IFI27L1: variants seen among roughly 807,000 people sequenced by gnomAD.
IFI27L1 encodes interferon alpha inducible protein 27 like 1.
IFI27L1 carries 3 observed loss-of-function variants against 9.2 expected under a neutral mutation model. The ratio of observed to expected loss-of-function variants is 0.32; its 90% CI spans 0.15 to 0.84. The LOEUF (loss-of-function observed/expected upper bound fraction) is 0.84. Among genes scored for constraint, IFI27L1 ranks in the 40% least tolerant of loss-of-function variants. The probability of loss-of-function intolerance (pLI) is 0.56; values close to 1 mark genes in which losing one functional copy is unlikely to be tolerated. For missense variants in IFI27L1, 133 were observed against 134.2 expected (o/e 0.99, Z 0.05); for synonymous variants, 53 against 50.0 (o/e 1.06, Z -0.26).
At chr14:94,097,788 A>G (rs1886728648) in intron 2 of IFI27L1, 1 of 671,872 alleles carries the variant, frequency 1.5e-6, no homozygotes, top group African/African-American at 1.8e-5. Flanking sequence ...GCTGCCCTTT[A>G]CAGAGGCTGG....
At chr14:94,101,140 A>C (rs1415189039) in intron 3 of IFI27L1, 9 of 425,772 alleles carry the variant, frequency 2.1e-5, no homozygotes, top group Non-Finnish European at 3.8e-5. Flanking sequence ...ATTCCTCAAA[A>C]GTATTTGACA....
At position 94,100,776 on chromosome 14, in the gene IFI27L1, GTC is replaced by G. The variant is rs1886865314; in HGVS notation, c.61+9_61+10del. ...TAGCAGCTGTGGTCGGAGGAGGTGA[GTC>G]TCTATGGGAAGGAACTCAAGCCCCC... On this transcript the variant is annotated splice_donor_region_variant and intron_variant, in intron 3 of 4. Coordinates refer to ENST00000555523, the MANE Select transcript of IFI27L1 (RefSeq NM_206949.3). 1 of 1,613,476 alleles carries G rather than the reference GTC, an allele frequency of 6.2e-7. No individual in the cohort carries two copies. The highest frequency in any genetic ancestry group is 8.5e-7 in the Non-Finnish European group (1 of 1,179,908).
At chr14:94,096,160 A>G (rs1357917513) in intron 1 of IFI27L1, among the ~76,000 whole-genome samples, 2 of 152,206 alleles carry the variant, frequency 1.3e-5, no homozygotes, top group Admixed American at 6.5e-5. Context: ...ATTGGCAACA[A>G]TAAGTTTAGG....
chr14:94,091,984 C>T (rs1039803100), intron 1 of IFI27L1, among the ~76,000 whole-genome samples: 3 of 151,280 alleles, frequency 2.0e-5, no homozygotes, highest in Middle Eastern at 3.2e-3. Flanking sequence ...AAATTAGCCA[C>T]GCATGGTGGC....
At position 94,086,427 on chromosome 14, in the gene IFI27L1, T is replaced by C. The variant is rs79820779; in HGVS notation, c.-52+4978T>C. ...TTGCCTAATATAATGAGGTCTTCCTTTACCAGTGTTTTGTAAGTTGCCTCT... is the reference window on the plus strand; with the variant it reads ...TTGCCTAATATAATGAGGTCTTCCTCTACCAGTGTTTTGTAAGTTGCCTCT... On this transcript the variant is annotated intron_variant, in intron 1 of 4. Coordinates refer to ENST00000555523, the MANE Select transcript of IFI27L1 (RefSeq NM_206949.3). Among the ~76,000 whole-genome samples the C allele has an allele frequency of 1.6e-3, 249 of 152,344 alleles. 1 individual carries two copies. Among genetic ancestry groups the C allele is most frequent in the African/African-American group, 5.8e-3 (243 of 41,558 alleles).
intron 1 of IFI27L1, among the ~76,000 whole-genome samples, chr14:94,093,167 C>CTTTTTTTTT (rs66928480): frequency 3.2e-5 from 4 of 125,472 alleles, no homozygotes; most frequent in African/African-American, 1.2e-4. Context: ...CATTTCTTTT[C>CTTTTTTTTT]TTTTTTTTTT....
intron 1 of IFI27L1, among the ~76,000 whole-genome samples, chr14:94,089,817 G>A (rs926718094): frequency 6.6e-6 from 1 of 152,158 alleles, no homozygotes; most frequent in Non-Finnish European, 1.5e-5. Flanking sequence ...TCTTCAGACT[G>A]AATAGGGGCG....
chr14:94,102,499 A>G lies in IFI27L1; in HGVS notation c.246A>G (p.Thr82=). The G allele has an allele frequency of 6.3e-7, 1 of 1,594,574 alleles. No homozygotes were observed. Among genetic ancestry groups the G allele is most frequent in the Middle Eastern group, 1.7e-4 (1 of 5,980 alleles). Residue 82 remains threonine, a synonymous_variant, in exon 5 of 5, where the codon ACA becomes ACG. Transcript: ENST00000555523. ...QSVGAAGLSV[T]SKVIGGFAGT... Reference sequence around the variant, plus strand: ...CAGGGGCAGCTGGACTCTCTGTGACATCTAAAGTTATCGGGGGCTTTGCTG... The same window carrying G: ...CAGGGGCAGCTGGACTCTCTGTGACGTCTAAAGTTATCGGGGGCTTTGCTG...
At chr14:94,091,334 T>A (rs965602210) in intron 1 of IFI27L1, among the ~76,000 whole-genome samples, 1 of 152,202 alleles carries the variant, frequency 6.6e-6, no homozygotes, top group African/African-American at 2.4e-5. Context: ...CAATTTTACA[T>A]AACAATTATA....
chr14:94,101,188 AC>A, intron 3 of IFI27L1: 1 of 343,104 alleles, frequency 2.9e-6, no homozygotes, highest in Non-Finnish European at 5.4e-6. Flanking sequence ...GAAGCTTTTG[AC>A]CTGCTATAAA....
chr14:94,093,662 A>G (rs1886566086), intron 1 of IFI27L1, among the ~76,000 whole-genome samples: 2 of 152,212 alleles, frequency 1.3e-5, no homozygotes. Flanking sequence ...GCCCTGGTTG[A>G]AATCCTTAGA....
rs146853109 is a variant in IFI27L1 at position 94,102,557 on chromosome 14, C to G, written c.304C>G (p.Pro102Ala). Reference sequence around the variant, plus strand: ...TCTTGGGGCCTGGCTGGGTTCACCCCCTTCCAGCTGAACACCACACTGAGG... The same window carrying G: ...TCTTGGGGCCTGGCTGGGTTCACCCGCTTCCAGCTGAACACCACACTGAGG... ...TALGAWLGSPPSS is the reference protein window; with the variant it reads ...TALGAWLGSPASS The change falls in exon 5 of 5, where the codon CCT (proline) becomes GCT (alanine). Residue 102 changes from proline (P) to alanine (A), a missense_variant. Coordinates refer to ENST00000555523, the MANE Select transcript of IFI27L1 (RefSeq NM_206949.3). 2 of 1,562,286 alleles carry G rather than the reference C, an allele frequency of 1.3e-6. No individual in the cohort carries two copies. The highest frequency in any genetic ancestry group is 1.7e-6 in the Non-Finnish European group (2 of 1,153,968).
intron 2 of IFI27L1, chr14:94,100,483 C>G (rs1886852115): frequency 1.0e-6 from 1 of 985,262 alleles, no homozygotes; most frequent in Non-Finnish European, 1.2e-6. Flanking sequence ...CTGCAGGGGG[C>G]CCAGCCACAA....
At chr14:94,093,657 G>C (rs1037662106) in intron 1 of IFI27L1, among the ~76,000 whole-genome samples, 1 of 152,186 alleles carries the variant, frequency 6.6e-6, no homozygotes, top group Non-Finnish European at 1.5e-5. Flanking sequence ...CAGGGGCCCT[G>C]GTTGAAATCC....
At chr14:94,100,562 G>A (rs1886854904) in intron 2 of IFI27L1, 177 bp from the exon 3 acceptor site, 16 of 985,422 alleles carry the variant, frequency 1.6e-5, no homozygotes, top group South Asian at 1.4e-4. Flanking sequence ...AAGGTGCCAC[G>A]TGCAGAGCCC....
chr14:94,091,721 T>C (rs1249053180), intron 1 of IFI27L1, among the ~76,000 whole-genome samples: 1 of 152,160 alleles, frequency 6.6e-6, no homozygotes, highest in Non-Finnish European at 1.5e-5. Context: ...AAAAAACCTT[T>C]ACTCATTAAT....
intron 2 of IFI27L1, among the ~76,000 whole-genome samples, chr14:94,097,880 C>G (rs1217224588): frequency 6.6e-6 from 1 of 152,052 alleles, no homozygotes; most frequent in Non-Finnish European, 1.5e-5. Context: ...TCTCAGATAC[C>G]CAAGGGACAT....
chr14:94,100,301 C>T (rs746653285), intron 2 of IFI27L1: 5 of 985,434 alleles, frequency 5.1e-6, no homozygotes, highest in Non-Finnish European at 6.0e-6. Flanking sequence ...CAAGGCGCCT[C>T]TTCCTGGGGA....
At chr14:94,098,548 T>C (rs1230964895) in intron 2 of IFI27L1, among the ~76,000 whole-genome samples, 2 of 152,162 alleles carry the variant, frequency 1.3e-5, no homozygotes, top group Non-Finnish European at 2.9e-5. Flanking sequence ...CTCGAACATA[T>C]CTTTTCGGGT....
Sources: gnomAD v4.1 joint callset for allele counts (sites outside exome capture counted in the v4.1 genomes callset) on GRCh38, gnomAD v4.1.1 for gene constraint, MANE v1.5 for transcripts, NCBI Gene and HGNC (gene_info 2026-07-23, HGNC 2026-07-21) for gene names.